The following EPHA7 variants were observed in gnomAD, a reference collection of about 807,000 sequenced individuals.
EPHA7 encodes the protein EPH receptor A7.
A neutral mutation model predicts 112.6 loss-of-function variants in EPHA7; 25 were observed. The ratio of observed to expected loss-of-function variants is 0.22; its 90% confidence interval spans 0.16 to 0.31. The LOEUF (loss-of-function observed/expected upper bound fraction) is 0.31, where lower values mean the gene tolerates loss of function less well. Ranked by LOEUF, EPHA7 falls within the 10% of genes least tolerant of loss-of-function variation. EPHA7 has a pLI of 1.00. For missense variants in EPHA7, 962 were observed against 1,212.6 expected (o/e 0.79, Z 3.07); for synonymous variants, 437 against 406.5 (o/e 1.07, Z -0.90).
At chr6:93,260,544 G>A (rs1770640110) in intron 9 of EPHA7, 1 of 958,590 alleles carries the variant, frequency 1.0e-6, no homozygotes, top group Non-Finnish European at 1.2e-6. Flanking sequence ...TTACTATTTG[G>A]AGAACAATAT....
chr6:93,256,220 T>C (rs1459120996), intron 12 of EPHA7, among the ~76,000 whole-genome samples, 183 bp from the exon 13 acceptor site: 1 of 152,126 alleles, frequency 6.6e-6, no homozygotes, highest in East Asian at 1.9e-4. Context: ...CCAAATAAGA[T>C]AATTTTGGTA....
chr6:93,274,578 A>G (rs1750635826), intron 5 of EPHA7, among the ~76,000 whole-genome samples: 1 of 151,948 alleles, frequency 6.6e-6, no homozygotes, highest in Non-Finnish European at 1.5e-5. Context: ...CCTTTTGCAC[A>G]GGATCCATAT....
intron 5 of EPHA7, among the ~76,000 whole-genome samples, chr6:93,328,312 C>T (rs1259800020): frequency 6.6e-6 from 1 of 151,312 alleles, no homozygotes; most frequent in African/African-American, 2.4e-5. Flanking sequence ...TCTGTCTGTT[C>T]TACTTGCACT....
intron 5 of EPHA7, among the ~76,000 whole-genome samples, chr6:93,312,961 A>G (rs1773616844): frequency 6.6e-6 from 1 of 152,186 alleles, no homozygotes; most frequent in Non-Finnish European, 1.5e-5. Context: ...TAAGTTTGCT[A>G]TCTTATAGTC....
intron 3 of EPHA7, among the ~76,000 whole-genome samples, chr6:93,376,174 C>CA (rs751224615): frequency 5.9e-4 from 90 of 151,956 alleles, no homozygotes; most frequent in African/African-American, 2.1e-3. Context: ...GACAGGATCT[C>CA]ACTCTGTCGC....
intron 3 of EPHA7, among the ~76,000 whole-genome samples, chr6:93,371,691 T>C (rs919346007): frequency 2.0e-5 from 3 of 152,142 alleles, no homozygotes; most frequent in African/African-American, 7.2e-5. Context: ...ACAAAGGAAA[T>C]GAAAAACTAG....
rs758549619 is a variant in EPHA7, at chr6:93,272,396, T to C, written c.1351A>G (p.Lys451Glu). The C allele has an allele frequency of 6.2e-7, 1 of 1,612,046 alleles. No individual in the cohort carries two copies. The highest frequency in any genetic ancestry group is 8.5e-7 in the Non-Finnish European group (1 of 1,178,606). ...ACACTCCGCTGCAGTACTCTCTCCT[T>C]CATTACTCCACTCACTTGCGAGGGA... Reference protein sequence around the residue: ...AAPSQVSGVMKERVLQRSVEL... With the variant: ...AAPSQVSGVMEERVLQRSVEL... Residue 451 changes from lysine to glutamate, a missense_variant, in exon 6 of 17, where the codon AAG becomes GAG. Lys to Glu is a moderately conservative substitution (Grantham distance 56). This residue lies in a region of EPHA7 where 746 missense variants were observed against 889.2 expected (regional missense o/e 0.84). Coordinates refer to ENST00000369303, the MANE Select transcript of EPHA7 (RefSeq NM_004440.4).
At chr6:93,305,963 G>A (rs1223346132) in intron 5 of EPHA7, among the ~76,000 whole-genome samples, 1 of 151,700 alleles carries the variant, frequency 6.6e-6, no homozygotes, top group Non-Finnish European at 1.5e-5. Context: ...TCTATACAAT[G>A]GATATCATAA....
chr6:93,400,032 G>A (rs943363150), intron 3 of EPHA7, among the ~76,000 whole-genome samples: 3 of 152,032 alleles, frequency 2.0e-5, no homozygotes, highest in Non-Finnish European at 4.4e-5. Flanking sequence ...GTTATAAAGA[G>A]TGTATCATAT....
intron 4 of EPHA7, 103 bp downstream of exon 4, chr6:93,358,153 A>C: frequency 1.1e-6 from 1 of 871,618 alleles, no homozygotes; most frequent in Non-Finnish European, 1.6e-6. Context: ...TTTAAGTATA[A>C]TTAAGAATGT....
At chr6:93,258,558 G>T (rs1480354741) in intron 10 of EPHA7, among the ~76,000 whole-genome samples, 1 of 134,278 alleles carries the variant, frequency 7.4e-6, no homozygotes, top group African/African-American at 2.6e-5. Context: ...CTCTTTCATA[G>T]AAGTTACGCT....
chr6:93,270,342 A>G (rs1026952834), intron 6 of EPHA7, among the ~76,000 whole-genome samples: 1 of 151,594 alleles, frequency 6.6e-6, no homozygotes, highest in Admixed American at 6.6e-5. Context: ...AAAATCAATT[A>G]TATGCTTATT....
rs898255026 is a variant in EPHA7, at chr6:93,275,993, T to C, written c.1325-3571A>G. On this transcript the variant is annotated intron_variant, in intron 5 of 16. Transcript: ENST00000369303. ...CCCCTGCCAACAGGTTAAGCTTAAC[T>C]ATTTGTAAAGGAAAATTTCTTAGCA... Among the ~76,000 whole-genome samples, 6 of 152,122 alleles carry C rather than the reference T, an allele frequency of 3.9e-5. No homozygotes were observed. The East Asian group carries it at 1.2e-3, about 29-fold the overall frequency.
chr6:93,359,409 A>G (rs551902546), intron 3 of EPHA7, among the ~76,000 whole-genome samples: 1 of 151,160 alleles, frequency 6.6e-6, no homozygotes, highest in South Asian at 2.1e-4. Flanking sequence ...TATTCTTCAT[A>G]TTTATTAAAT....
intron 5 of EPHA7, among the ~76,000 whole-genome samples, chr6:93,303,857 T>G: frequency 6.6e-6 from 1 of 152,112 alleles, no homozygotes; most frequent in East Asian, 1.9e-4. Flanking sequence ...GCCACCTTTC[T>G]CCATGAATTT....
chr6:93,276,665 A>G (rs1238532966), intron 5 of EPHA7, among the ~76,000 whole-genome samples: 1 of 152,128 alleles, frequency 6.6e-6, no homozygotes, highest in Non-Finnish European at 1.5e-5. Context: ...TGAAATTTTT[A>G]TGAAATTATG....
intron 5 of EPHA7, among the ~76,000 whole-genome samples, chr6:93,276,704 TA>T (rs1429960962): frequency 1.3e-5 from 2 of 152,114 alleles, no homozygotes; most frequent in Non-Finnish European, 2.9e-5. Context: ...CATATTTAAA[TA>T]ACGTGATATT....
chr6:93,404,913 C>T (rs1250636374), intron 3 of EPHA7, among the ~76,000 whole-genome samples: 1 of 151,708 alleles, frequency 6.6e-6, no homozygotes. Context: ...CTATATTTGC[C>T]ACTTACTACT....
Position 93,269,383 on chromosome 6 carries a change from T to G in EPHA7, c.1633+94A>C, listed in dbSNP as rs1224157875. The G allele has an allele frequency of 3.1e-6, 3 of 960,748 alleles. No individual in the cohort carries two copies. The African/African-American group carries it at 5.2e-5, about 17-fold the overall frequency. 59.5% of individuals were successfully genotyped at this position (960,748 alleles called of 1,614,324 possible). On this transcript the variant is annotated intron_variant, in intron 7 of 16. Coordinates refer to ENST00000369303, the MANE Select transcript of EPHA7 (RefSeq NM_004440.4). ...TATATTTATTTGTAAATGTAAAAAT[T>G]ATGATGGTGCAAATGATCACCTCAA...
Sources: allele counts gnomAD v4.1 joint callset (sites outside exome capture counted in the v4.1 genomes callset), GRCh38; gene constraint gnomAD v4.1.1; regional missense constraint gnomAD v4.1.1; transcripts MANE v1.5; gene names NCBI Gene and HGNC (gene_info 2026-07-23, HGNC 2026-07-21).